Variants in KIRREL3 observed in about 807,000 individuals in gnomAD.
The protein encoded by KIRREL3 is kin of IRRE-like protein 3.
A neutral mutation model predicts 89.7 loss-of-function variants in KIRREL3; 36 were observed. The observed-to-expected ratio is 0.40, with a 90% CI of 0.31 to 0.53. The LOEUF is 0.53. Among genes scored for constraint, KIRREL3 ranks in the 20% least tolerant of loss-of-function variants. The pLI is 0.49. For synonymous variants in KIRREL3, 445 were observed against 441.4 expected, an observed-to-expected ratio of 1.01 and a Z score of -0.10; for missense variants, 864 against 1,056.6, an observed-to-expected ratio of 0.82 and a Z score of 2.53.
chr11:126,695,409 A>C (rs1429672518), intron 1 of KIRREL3, among the ~76,000 whole-genome samples: 2 of 147,400 alleles, frequency 1.4e-5, no homozygotes, highest in Non-Finnish European at 3.0e-5. Context: ...GCTTTACCAA[A>C]AAAAAAAAAA....
In KIRREL3 at chr11:126,657,752, G is replaced by T. The variant is rs76091051; in HGVS notation, c.56-94840C>A. Among the ~76,000 whole-genome samples, 338 of 152,326 alleles carry T rather than the reference G, an allele frequency of 2.2e-3. 3 individuals are homozygous for T. The highest frequency in any genetic ancestry group is 7.4e-3 in the African/African-American group (307 of 41,560). ...TGGGTGGACCTGCGCAACTCTGATTGTGTCCATGTAGAAACCTGTGCTGTG... is the reference window on the plus strand; with the variant it reads ...TGGGTGGACCTGCGCAACTCTGATTTTGTCCATGTAGAAACCTGTGCTGTG... On this transcript the variant is annotated intron_variant, in intron 1 of 16. Transcript: ENST00000525144.
Position 126,911,758 on chromosome 11 carries a change from C to T in KIRREL3, c.55+88697G>A, listed in dbSNP as rs550467329. Among the ~76,000 whole-genome samples, 16 of 151,772 alleles carry T rather than the reference C, an allele frequency of 1.1e-4. No individual in the cohort carries two copies. The East Asian group carries it at 1.8e-3, about 17-fold the overall frequency. Reference sequence around the variant, plus strand: ...CAGCACTTTGGGAGGCTGAGGTGGGCGGATGACGAGGTCAGGAGATCGAGA... The same window carrying T: ...CAGCACTTTGGGAGGCTGAGGTGGGTGGATGACGAGGTCAGGAGATCGAGA... On this transcript the variant is annotated intron_variant, in intron 1 of 16. Transcript: ENST00000525144.
intron 1 of KIRREL3, among the ~76,000 whole-genome samples, chr11:126,821,331 A>G (rs1194844110): frequency 1.6e-5 from 1 of 61,484 alleles, no homozygotes; most frequent in Admixed American, 1.5e-4. Flanking sequence ...TAAACACAGT[A>G]TATATATATA....
chr11:126,670,621 A>G (rs780209236), intron 1 of KIRREL3, among the ~76,000 whole-genome samples: 1 of 152,234 alleles, frequency 6.6e-6, no homozygotes, highest in African/African-American at 2.4e-5. Flanking sequence ...AGGTGAATAA[A>G]CAGAAGTTAA....
At chr11:126,546,545 A>G (rs1268810219) in intron 2 of KIRREL3, among the ~76,000 whole-genome samples, 1 of 152,198 alleles carries the variant, frequency 6.6e-6, no homozygotes, top group African/African-American at 2.4e-5. Flanking sequence ...TGTCCATTTC[A>G]TCTTAATACA....
Position 126,454,547 on chromosome 11 carries a change from T to G in KIRREL3, c.848+1802A>C, listed in dbSNP as rs759531792. ...CATGACAGATATTTTCTGGGCATGT[T>G]GTACCTGGTGTTTAGGGACCAGGAG... On this transcript the variant is annotated intron_variant, in intron 7 of 16. Coordinates refer to ENST00000525144, the MANE Select transcript of KIRREL3 (RefSeq NM_032531.4). The surrounding 1 kb of genome is among the most constrained non-coding windows in gnomAD (Gnocchi z 5.8). Among the ~76,000 whole-genome samples the G allele has an allele frequency of 5.3e-5, 8 of 152,148 alleles. No homozygotes were observed. The highest frequency in any genetic ancestry group is 1.0e-4 in the Non-Finnish European group (7 of 68,024).
rs1369778164 is a variant in KIRREL3, at chr11:126,570,656, C to T, written c.56-7744G>A. Among the ~76,000 whole-genome samples, 4 of 152,208 alleles carry T rather than the reference C, an allele frequency of 2.6e-5. No individual in the cohort carries two copies. Among genetic ancestry groups the T allele is most frequent in the African/African-American group, 4.8e-5 (2 of 41,460 alleles). ...CCTTTGCCAGCCCTGCCTTCTCCAG[C>T]CTGCTCCAGCCATGCCATTATTTGG... is the stretch of plus-strand genomic sequence containing the variant. On this transcript the variant is annotated intron_variant, in intron 1 of 16. Coordinates refer to ENST00000525144, the MANE Select transcript of KIRREL3 (RefSeq NM_032531.4). The surrounding 1 kb of genome is among the most constrained non-coding windows in gnomAD (Gnocchi z 6.1).
intron 5 of KIRREL3, among the ~76,000 whole-genome samples, chr11:126,472,908 C>T (rs1016128164): frequency 6.0e-5 from 9 of 150,582 alleles, no homozygotes; most frequent in Middle Eastern, 3.2e-3. Context: ...CAGCTGGTTC[C>T]CTCCCCATCC....
rs1951173202 is a variant in KIRREL3 at position 126,805,417 on chromosome 11, G to C, written c.55+195038C>G. On this transcript the variant is annotated intron_variant, in intron 1 of 16. Transcript: ENST00000525144. The surrounding 1 kb of genome is among the most constrained non-coding windows in gnomAD (Gnocchi z 4.3). ...GCTCTTATGCTCCTCAAAGGTCCTA[G>C]TGCACCTCTTTAGACAGTTTCCCAC... is the stretch of plus-strand genomic sequence containing the variant. Among the ~76,000 whole-genome samples, 1 of 152,086 alleles carries C rather than the reference G, an allele frequency of 6.6e-6. No individual in the cohort carries two copies. Among genetic ancestry groups the C allele is most frequent in the Admixed American group, 6.5e-5 (1 of 15,270 alleles).
chr11:126,926,839 C>T (rs1947738948), intron 1 of KIRREL3, among the ~76,000 whole-genome samples: 1 of 152,116 alleles, frequency 6.6e-6, no homozygotes, highest in African/African-American at 2.4e-5. Flanking sequence ...TTTTTCTAAT[C>T]GCTATGGATT....
intron 1 of KIRREL3, among the ~76,000 whole-genome samples, chr11:126,894,714 A>T (rs1946080450): frequency 6.6e-6 from 1 of 151,832 alleles, no homozygotes; most frequent in Non-Finnish European, 1.5e-5. Flanking sequence ...ATGCCACTGA[A>T]CTCCAGCCTG....
Position 126,747,059 on chromosome 11 carries a change from G to T in KIRREL3, c.56-184147C>A, listed in dbSNP as rs1250075296. Among the ~76,000 whole-genome samples, 2 of 152,204 alleles carry T rather than the reference G, an allele frequency of 1.3e-5. No individual in the cohort carries two copies. Among genetic ancestry groups the T allele is most frequent in the Admixed American group, 6.5e-5 (1 of 15,288 alleles). ...CATCTTGGCTTAAAAACCTCCAGTG[G>T]TTCTGAACATCTTCACAAGGCATTG... On this transcript the variant is annotated intron_variant, in intron 1 of 16. Transcript: ENST00000525144. The surrounding 1 kb of genome is among the most constrained non-coding windows in gnomAD (Gnocchi z 4.7).
intron 4 of KIRREL3, among the ~76,000 whole-genome samples, chr11:126,502,273 G>T (rs553549743): frequency 1.2e-3 from 180 of 152,248 alleles, no homozygotes; most frequent in African/African-American, 3.5e-3. Flanking sequence ...TCCACTCACC[G>T]CACTGGACCA....
intron 2 of KIRREL3, among the ~76,000 whole-genome samples, chr11:126,542,141 C>T (rs1938419490): frequency 1.3e-5 from 2 of 152,212 alleles, no homozygotes; most frequent in Non-Finnish European, 2.9e-5. Flanking sequence ...AGCAGGCCCA[C>T]CCGGCGTGCA....
chr11:126,481,043 T>C (rs1957205508), intron 4 of KIRREL3, among the ~76,000 whole-genome samples: 1 of 152,214 alleles, frequency 6.6e-6, no homozygotes. Flanking sequence ...GCACCTACTA[T>C]ACGCCAGGCC....
intron 1 of KIRREL3, among the ~76,000 whole-genome samples, chr11:126,777,593 G>T (rs574290233): frequency 6.6e-6 from 1 of 152,304 alleles, no homozygotes; most frequent in African/African-American, 2.4e-5. Context: ...TGTTAGACAA[G>T]ACAAGAATGA....
At position 126,915,887 on chromosome 11, in the gene KIRREL3, T is replaced by A. The variant is rs1305669274; in HGVS notation, c.55+84568A>T. Among the ~76,000 whole-genome samples the A allele has an allele frequency of 2.0e-5, 3 of 152,228 alleles. No individual in the cohort carries two copies. In the East Asian group the frequency reaches 5.8e-4, roughly 29 times the overall value. On this transcript the variant is annotated intron_variant, in intron 1 of 16. Coordinates refer to ENST00000525144, the MANE Select transcript of KIRREL3 (RefSeq NM_032531.4). ...AATGGGTCACATAACCATTTGCAAATGTAAAAAAAATTCTTCACAAAGGTT... is the reference window on the plus strand; with the variant it reads ...AATGGGTCACATAACCATTTGCAAAAGTAAAAAAAATTCTTCACAAAGGTT...
intron 1 of KIRREL3, among the ~76,000 whole-genome samples, chr11:126,765,231 C>A (rs1949785830): frequency 6.6e-6 from 1 of 152,192 alleles, no homozygotes; most frequent in Non-Finnish European, 1.5e-5. Context: ...ATATCAGTTT[C>A]CTCATCTGTA....
Position 126,776,829 on chromosome 11 carries a change from C to T in KIRREL3, c.56-213917G>A, listed in dbSNP as rs557306988. On this transcript the variant is annotated intron_variant, in intron 1 of 16. Coordinates refer to ENST00000525144, the MANE Select transcript of KIRREL3 (RefSeq NM_032531.4). This position sits in a 1 kb window ranked among gnomAD's most constrained non-coding sequence, Gnocchi z 4.7. ...GAGCCCTGAGAGATGGGGGCTCATACCCAGCCAGCAGTGTCCCAGCTTTCC... is the reference window on the plus strand; with the variant it reads ...GAGCCCTGAGAGATGGGGGCTCATATCCAGCCAGCAGTGTCCCAGCTTTCC... 2.0e-5 allele frequency among the ~76,000 whole-genome samples: 3 copies of T among 152,316 alleles called. No homozygotes were observed. The highest frequency in any genetic ancestry group is 4.8e-5 in the African/African-American group (2 of 41,574).
Sources: allele counts gnomAD v4.1 joint callset (sites outside exome capture counted in the v4.1 genomes callset), GRCh38; gene constraint gnomAD v4.1.1; non-coding constraint Gnocchi (gnomAD v3.1); transcripts MANE v1.5; gene names NCBI Gene and HGNC (gene_info 2026-07-23, HGNC 2026-07-21).